SGCZ: variants seen among roughly 807,000 people sequenced by gnomAD.
SGCZ encodes the protein sarcoglycan zeta.
Under a neutral mutation model 41.3 loss-of-function variants are expected in SGCZ, and 40 were observed. The observed-to-expected ratio is 0.97, with a 90% CI of 0.75 to 1.26. SGCZ has a LOEUF of 1.26. SGCZ is among the 50% of genes most tolerant of loss of function. The pLI is 0.00. For synonymous variants in SGCZ, 206 were observed against 137.5 expected, an observed-to-expected ratio of 1.50 and a Z score of -3.49; for missense variants, 552 against 369.8, an observed-to-expected ratio of 1.49 and a Z score of -4.04.
At chr8:14,623,254 AAATT>A (rs1358346214) in intron 1 of SGCZ, among the ~76,000 whole-genome samples, 1 of 152,232 alleles carries the variant, frequency 6.6e-6, no homozygotes, top group Non-Finnish European at 1.5e-5. Context: ...CTTGCAAAAC[AAATT>A]AAGTAGCAGG....
chr8:14,371,495 T>C (rs1803907492), intron 2 of SGCZ, among the ~76,000 whole-genome samples: 1 of 151,148 alleles, frequency 6.6e-6, no homozygotes, highest in Non-Finnish European at 1.5e-5. Context: ...CACACTAATT[T>C]TATCCTAAAT....
At chr8:14,414,043 C>T (rs1031470591) in intron 2 of SGCZ, among the ~76,000 whole-genome samples, 12 of 151,962 alleles carry the variant, frequency 7.9e-5, no homozygotes, top group African/African-American at 1.9e-4. Flanking sequence ...GAATTTATAC[C>T]TTTCACAACA....
At chr8:15,028,347 T>C (rs1014817552) in intron 1 of SGCZ, among the ~76,000 whole-genome samples, 1 of 152,046 alleles carries the variant, frequency 6.6e-6, no homozygotes, top group African/African-American at 2.4e-5. Flanking sequence ...TAAGGAACAC[T>C]ATCGTCTTTC....
chr8:14,651,903 G>A (rs773099145), intron 1 of SGCZ, among the ~76,000 whole-genome samples: 3 of 151,118 alleles, frequency 2.0e-5, no homozygotes, highest in Non-Finnish European at 4.4e-5. Context: ...TTGTTCTGGG[G>A]GAAAAAAAGT....
In SGCZ at chr8:14,788,956, A is replaced by AAAT. The variant is rs1164501613; in HGVS notation, c.40-234033_40-234031dup. On this transcript the variant is annotated intron_variant, in intron 1 of 7. Coordinates refer to ENST00000382080, the MANE Select transcript of SGCZ (RefSeq NM_139167.4). ...CTAGACTCTGTCTCTATAAAAAACTAAATAATAATAATAATAAATTAAATG... is the reference window on the plus strand; with the variant it reads ...CTAGACTCTGTCTCTATAAAAAACTAAATAATAATAATAATAATAAATTAAATG... Among the ~76,000 whole-genome samples the AAAT allele has an allele frequency of 6.6e-5, 10 of 152,224 alleles. No homozygotes were observed. In the South Asian group the frequency reaches 1.0e-3, roughly 16 times the overall value.
At chr8:14,808,502 G>C (rs1801627174) in intron 1 of SGCZ, among the ~76,000 whole-genome samples, 1 of 152,166 alleles carries the variant, frequency 6.6e-6, no homozygotes, top group African/African-American at 2.4e-5. Flanking sequence ...CTGGCCATCA[G>C]AGAAATGCAA....
intron 2 of SGCZ, among the ~76,000 whole-genome samples, chr8:14,395,162 G>A (rs1452039417): frequency 6.6e-6 from 1 of 152,114 alleles, no homozygotes; most frequent in Non-Finnish European, 1.5e-5. Context: ...TCATCATCTA[G>A]ATAATATCTC....
At chr8:15,037,524 A>C (rs534783781) in intron 1 of SGCZ, among the ~76,000 whole-genome samples, 1 of 152,322 alleles carries the variant, frequency 6.6e-6, no homozygotes, top group East Asian at 1.9e-4. Flanking sequence ...GTTATACTCA[A>C]CAGGAAAATG....
intron 1 of SGCZ, among the ~76,000 whole-genome samples, chr8:14,790,070 A>C (rs981939075): frequency 6.6e-6 from 1 of 152,198 alleles, no homozygotes; most frequent in African/African-American, 2.4e-5. Context: ...CTTAGAAAAA[A>C]ATACTGTCAA....
In SGCZ at chr8:14,677,455, T is replaced by A. The variant is rs539928695; in HGVS notation, c.40-122529A>T. On this transcript the variant is annotated intron_variant, in intron 1 of 7. Coordinates refer to ENST00000382080, the MANE Select transcript of SGCZ (RefSeq NM_139167.4). Reference sequence around the variant, plus strand: ...TGAATAACAACAAATTGATTCTACATATTGTTATGAATAACAACAAACTGA... The same window carrying A: ...TGAATAACAACAAATTGATTCTACAAATTGTTATGAATAACAACAAACTGA... 2.6e-5 allele frequency among the ~76,000 whole-genome samples: 4 copies of A among 152,264 alleles called. No homozygotes were observed. In the South Asian group the frequency reaches 8.3e-4, roughly 32 times the overall value.
chr8:14,928,558 G>A (rs189492005), intron 1 of SGCZ, among the ~76,000 whole-genome samples: 3 of 152,152 alleles, frequency 2.0e-5, no homozygotes, highest in African/African-American at 7.2e-5. Flanking sequence ...TTTAAACGTG[G>A]TGCTAATTAA....
chr8:14,578,445 A>G (rs975961438), intron 1 of SGCZ, among the ~76,000 whole-genome samples: 1 of 152,192 alleles, frequency 6.6e-6, no homozygotes, highest in African/African-American at 2.4e-5. Context: ...CATGGCTGCA[A>G]TGTAGGCTCA....
intron 2 of SGCZ, among the ~76,000 whole-genome samples, chr8:14,331,059 C>A (rs1435796371): frequency 1.3e-5 from 2 of 151,382 alleles, no homozygotes; most frequent in Admixed American, 6.6e-5. Flanking sequence ...TTTTGAATAT[C>A]TAAAGATATT....
At chr8:14,145,628 G>A (rs554577437) in intron 5 of SGCZ, among the ~76,000 whole-genome samples, 7 of 152,178 alleles carry the variant, frequency 4.6e-5, no homozygotes, top group African/African-American at 1.4e-4. Flanking sequence ...ACGGTCACAC[G>A]TAACAGAGAT....
rs1802959406 is a variant in SGCZ, at chr8:15,014,719, T to A, written c.39+222866A>T. ...ACACTAATCACCAAAGCTGAAGGTGTTTCCATGACCAGGAGTCCATACTGA... is the reference window on the plus strand; with the variant it reads ...ACACTAATCACCAAAGCTGAAGGTGATTCCATGACCAGGAGTCCATACTGA... On this transcript the variant is annotated intron_variant, in intron 1 of 7. Coordinates refer to ENST00000382080, the MANE Select transcript of SGCZ (RefSeq NM_139167.4). Among the ~76,000 whole-genome samples the A allele has an allele frequency of 2.6e-5, 4 of 152,304 alleles. No homozygotes were observed. The South Asian group carries it at 8.3e-4, about 32-fold the overall frequency.
intron 5 of SGCZ, among the ~76,000 whole-genome samples, chr8:14,136,455 C>G (rs187237235): frequency 6.6e-6 from 1 of 152,094 alleles, no homozygotes; most frequent in African/African-American, 2.4e-5. Flanking sequence ...CCTAATACTG[C>G]GCTTTTCCAA....
chr8:14,855,052 T>A (rs920801245), intron 1 of SGCZ, among the ~76,000 whole-genome samples: 3 of 151,326 alleles, frequency 2.0e-5, no homozygotes, highest in African/African-American at 7.3e-5. Flanking sequence ...CATTATTTTA[T>A]TTATTTATTT....
At chr8:14,176,678 G>C (rs1804552368) in intron 4 of SGCZ, among the ~76,000 whole-genome samples, 1 of 152,192 alleles carries the variant, frequency 6.6e-6, no homozygotes. Context: ...TATGTCCATT[G>C]CTTGGATCAG....
intron 7 of SGCZ, among the ~76,000 whole-genome samples, chr8:14,100,922 T>C (rs1802000407): frequency 6.6e-6 from 1 of 151,848 alleles, no homozygotes; most frequent in African/African-American, 2.4e-5. Context: ...TTAAAAACGA[T>C]AAATAACACA....
Sources: gnomAD v4.1 joint callset for allele counts (sites outside exome capture counted in the v4.1 genomes callset) on GRCh38, gnomAD v4.1.1 for gene constraint, MANE v1.5 for transcripts, NCBI Gene and HGNC (gene_info 2026-07-23, HGNC 2026-07-21) for gene names.